PRKCI: variants seen among roughly 807,000 people sequenced by gnomAD.
PRKCI encodes the protein protein kinase C iota type.
A neutral mutation model predicts 84.0 loss-of-function variants in PRKCI; 43 were observed. That is an observed-to-expected ratio of 0.51 (90% CI 0.40 to 0.66). PRKCI has a LOEUF of 0.66. Ranked by LOEUF, PRKCI falls within the 30% of genes least tolerant of loss-of-function variation. PRKCI has a pLI of 0.00. For synonymous variants in PRKCI, 216 were observed against 234.4 expected (o/e 0.92, Z 0.72); for missense variants, 459 against 745.6 (o/e 0.62, Z 4.48).
At chr3:170,262,369 A>G (rs1434055679) in intron 3 of PRKCI, among the ~76,000 whole-genome samples, 1 of 152,228 alleles carries the variant, frequency 6.6e-6, no homozygotes, top group Non-Finnish European at 1.5e-5. Context: ...CCAAGGATTT[A>G]AGGCGATATT....
At chr3:170,254,483 A>G (rs564285005) in intron 2 of PRKCI, among the ~76,000 whole-genome samples, 69 of 152,262 alleles carry the variant, frequency 4.5e-4, no homozygotes, top group African/African-American at 1.5e-3. Flanking sequence ...ATTTTTGTAT[A>G]TGGCGAGAAA....
intron 5 of PRKCI, among the ~76,000 whole-genome samples, chr3:170,268,595 G>GTTTA (rs1387223821): frequency 6.6e-6 from 1 of 151,914 alleles, no homozygotes; most frequent in Non-Finnish European, 1.5e-5. Flanking sequence ...AACAAGCAAG[G>GTTTA]TTTATTTATT....
Position 170,222,596 on chromosome 3 carries a change from G to C in PRKCI, c.-74G>C. The C allele has an allele frequency of 7.7e-7, 1 of 1,298,834 alleles. No individual in the cohort carries two copies. 80.5% of individuals were successfully genotyped at this position (1,298,834 alleles called of 1,614,324 possible). On this transcript the variant is annotated 5_prime_UTR_variant, in exon 1 of 18. Coordinates refer to ENST00000295797, the MANE Select transcript of PRKCI (RefSeq NM_002740.6). ...CGCGGTTCTCCGGCAAGCGCAGGCG[G>C]CGGAGTCCCCCACGGCGCCCGAAGC...
rs1345289365 is a variant in PRKCI at position 170,263,428 on chromosome 3, T to C, written c.363T>C (p.Asp121=). 6.3e-7 allele frequency: 1 copy of C among 1,586,322 alleles called. No homozygotes were observed. Among genetic ancestry groups the C allele is most frequent in the Admixed American group, 1.7e-5 (1 of 59,938 alleles). The change falls in exon 4 of 18, where the codon GAT becomes GAC. Residue 121 remains aspartate (D), a splice_region_variant and synonymous_variant. Transcript: ENST00000295797. The stretch of plus-strand genomic sequence containing the variant: ...CTGGGATGCCTTGTCCAGGAGAAGA[T>C]AGTGAGTGTTTATATACTTCATACC... The part of the protein sequence containing the change: ...ERPGMPCPGE[D]KSIYRRGARR...
chr3:170,228,638 C>T (rs142888299), intron 1 of PRKCI, among the ~76,000 whole-genome samples: 2,964 of 151,048 alleles, frequency 0.02, 52 homozygotes, highest in East Asian at 0.1. Context: ...CACACACACA[C>T]ACATATACAT....
intron 3 of PRKCI, 108 bp from the exon 4 acceptor site, chr3:170,263,271 G>A: frequency 1.2e-6 from 1 of 815,754 alleles, no homozygotes; most frequent in Non-Finnish European, 2.0e-6. Flanking sequence ...GTGAAGAGAG[G>A]GTCAGGTTGA....
At chr3:170,269,158 G>A (rs528929483) in intron 5 of PRKCI, among the ~76,000 whole-genome samples, 39 of 152,210 alleles carry the variant, frequency 2.6e-4, no homozygotes, top group East Asian at 1.5e-3. Flanking sequence ...CGCGTGATCC[G>A]TCCGCCTCGG....
chr3:170,298,781 T>C (rs1467483129), intron 16 of PRKCI, among the ~76,000 whole-genome samples: 1 of 152,200 alleles, frequency 6.6e-6, no homozygotes, highest in Non-Finnish European at 1.5e-5. Context: ...CCTCAAGTGA[T>C]CCTCCCATCT....
chr3:170,300,583 CA>C (rs569208737), intron 17 of PRKCI, among the ~76,000 whole-genome samples: 215 of 132,324 alleles, frequency 1.6e-3, no homozygotes, highest in Non-Finnish European at 2.2e-3. Flanking sequence ...CTTAAAGCCT[CA>C]AAAAAAAAAA....
At chr3:170,227,622 G>T (rs968730873) in intron 1 of PRKCI, among the ~76,000 whole-genome samples, 5 of 152,156 alleles carry the variant, frequency 3.3e-5, no homozygotes, top group African/African-American at 7.2e-5. Context: ...GATCACTTTG[G>T]CTGTTAGTCT....
At chr3:170,261,182 C>A (rs1274329862) in intron 3 of PRKCI, among the ~76,000 whole-genome samples, 2 of 142,376 alleles carry the variant, frequency 1.4e-5, no homozygotes, top group Non-Finnish European at 3.0e-5. Context: ...CCAGGCTGGT[C>A]TCAAACTCCT....
At chr3:170,254,292 G>A (rs1174998220) in intron 2 of PRKCI, among the ~76,000 whole-genome samples, 2 of 151,626 alleles carry the variant, frequency 1.3e-5, no homozygotes, top group Non-Finnish European at 2.9e-5. Flanking sequence ...GCTTTGTTTT[G>A]CAGAAACCTA....
intron 1 of PRKCI, among the ~76,000 whole-genome samples, chr3:170,233,406 G>A (rs1237656136): frequency 6.6e-6 from 1 of 152,058 alleles, no homozygotes; most frequent in Non-Finnish European, 1.5e-5. Context: ...TTGTGATAAA[G>A]CAGATTATAT....
intron 6 of PRKCI, among the ~76,000 whole-genome samples, chr3:170,273,051 C>T (rs1477718917): frequency 6.6e-6 from 1 of 152,148 alleles, no homozygotes; most frequent in Non-Finnish European, 1.5e-5. Flanking sequence ...AATATGATTT[C>T]TAATTGGTGG....
chr3:170,222,611 GC>G lies in PRKCI; in HGVS notation c.-58del. The G allele has an allele frequency of 7.0e-7, 1 of 1,433,130 alleles. No homozygotes were observed. Among genetic ancestry groups the G allele is most frequent in the Non-Finnish European group, 9.4e-7 (1 of 1,066,128 alleles). 88.8% of individuals were successfully genotyped at this position (1,433,130 alleles called of 1,614,324 possible). A position where few individuals can be genotyped will look rare whatever the true frequency, so the allele number is the denominator to read the frequency against. On this transcript the variant is annotated 5_prime_UTR_variant, in exon 1 of 18. Transcript: ENST00000295797. The stretch of plus-strand genomic sequence containing the variant: ...AGCGCAGGCGGCGGAGTCCCCCACG[GC>G]GCCCGAAGCGCCCCCCCGCACCCCC...
At chr3:170,275,412 G>T (rs760536658) in intron 8 of PRKCI, 125 bp downstream of exon 8, 2 of 826,318 alleles carry the variant, frequency 2.4e-6, no homozygotes, top group Non-Finnish European at 3.4e-6. Flanking sequence ...AAAATGATTT[G>T]TAATGATTCC....
At chr3:170,286,520 CG>C (rs1734396382) in intron 12 of PRKCI, among the ~76,000 whole-genome samples, 1 of 104,214 alleles carries the variant, frequency 9.6e-6, no homozygotes, top group Non-Finnish European at 1.8e-5. Context: ...CTGTGAGATA[CG>C]GGTTTTAAAG....
chr3:170,263,333 A>G (rs751901716), intron 3 of PRKCI, 46 bp from the exon 4 acceptor site: 10 of 1,477,206 alleles, frequency 6.8e-6, no homozygotes, highest in Admixed American at 1.7e-5. Context: ...TGTAATTTGT[A>G]TGTTTTAAAT....
intron 1 of PRKCI, among the ~76,000 whole-genome samples, chr3:170,232,106 A>G (rs939111171): frequency 6.6e-6 from 1 of 151,918 alleles, no homozygotes; most frequent in Non-Finnish European, 1.5e-5. Flanking sequence ...GGCTGAGTAC[A>G]GTGGTGTAAT....
Sources: gnomAD v4.1 joint callset for allele counts (sites outside exome capture counted in the v4.1 genomes callset) on GRCh38, gnomAD v4.1.1 for gene constraint, MANE v1.5 for transcripts, NCBI Gene and HGNC (gene_info 2026-07-23, HGNC 2026-07-21) for gene names.